The following CUL4A variants were observed in gnomAD, a reference collection of about 807,000 sequenced individuals.
CUL4A encodes the protein cullin-4A.
Under a neutral mutation model 95.5 loss-of-function variants are expected in CUL4A, and 16 were observed. The observed-to-expected ratio is 0.17, with a 90% CI of 0.11 to 0.25. CUL4A has a LOEUF of 0.25. Ranked by LOEUF, CUL4A falls within the 10% of genes least tolerant of loss-of-function variation. CUL4A has a pLI of 1.00. For missense variants in CUL4A, 610 were observed against 937.0 expected (o/e 0.65, Z 4.56); for synonymous variants, 380 against 353.1 (o/e 1.08, Z -0.85).
intron 9 of CUL4A, 24 bp downstream of exon 9, chr13:113,236,914 A>T: frequency 6.6e-7 from 1 of 1,514,882 alleles, no homozygotes; most frequent in South Asian, 1.1e-5. Flanking sequence ...CTCTTGTGCA[A>T]ATTAAACTGA....
Position 113,253,078 on chromosome 13 carries a change from A to G in CUL4A, c.1639-4A>G, listed in dbSNP as rs778312268. The G allele has an allele frequency of 3.2e-6, 5 of 1,547,436 alleles. No homozygotes were observed. The Admixed American group carries it at 8.7e-5, about 27-fold the overall frequency. Reference sequence around the variant, plus strand: ...TAATTTTGTTGTTCTCCTATGCTTAACAGATGATTAAACTTCAGGAAGTAT... The same window carrying G: ...TAATTTTGTTGTTCTCCTATGCTTAGCAGATGATTAAACTTCAGGAAGTAT... On this transcript the variant is annotated splice_polypyrimidine_tract_variant and splice_region_variant and intron_variant, in intron 15 of 19. Coordinates refer to ENST00000375440, the MANE Select transcript of CUL4A (RefSeq NM_001008895.4).
rs372465709 is a variant in CUL4A, at chr13:113,251,709, C to T, written c.1639-1373C>T. 1.6e-4 allele frequency among the ~76,000 whole-genome samples: 24 copies of T among 152,260 alleles called. 1 individual carries two copies. In the East Asian group the frequency reaches 4.6e-3, roughly 29 times the overall value. On this transcript the variant is annotated intron_variant, in intron 15 of 19. Coordinates refer to ENST00000375440, the MANE Select transcript of CUL4A (RefSeq NM_001008895.4). ...GACGTGCCTGCTTTTTTCCCCTTACCTTCTGCCATGATTAAAAGTTTCCTG... is the reference window on the plus strand; with the variant it reads ...GACGTGCCTGCTTTTTTCCCCTTACTTTCTGCCATGATTAAAAGTTTCCTG...
At position 113,266,892 on chromosome 13, in the gene CUL4A, T is replaced by TTA. The variant is rs759253898; in HGVS notation, c.*3311_*3312insAT. On this transcript the variant is annotated 3_prime_UTR_variant, in exon 20 of 20. Transcript: ENST00000375440. ...TGTAAATTGACTATTATTGTATAAA[T>TTA]TTATAGAGTATAAAGTGATCTTATA... The TTA allele has an allele frequency of 2.0e-5, 3 of 152,210 alleles. No individual in the cohort carries two copies. Among genetic ancestry groups the TTA allele is most frequent in the Non-Finnish European group, 4.4e-5 (3 of 68,046 alleles). The allele number at this position is 152,210 out of a possible 1,614,324, so 9.4% of individuals were successfully genotyped here.
chr13:113,221,033 G>T (rs1274468598), intron 3 of CUL4A, among the ~76,000 whole-genome samples: 1 of 152,250 alleles, frequency 6.6e-6, no homozygotes, highest in Non-Finnish European at 1.5e-5. Context: ...ATGGTGGCAT[G>T]TGAAGCATCT....
intron 16 of CUL4A, 105 bp from the exon 17 acceptor site, chr13:113,254,588 C>T: frequency 2.8e-6 from 2 of 719,266 alleles, no homozygotes; most frequent in Non-Finnish European, 4.6e-6. Context: ...GAGCGAGACT[C>T]CTTCTCAAAA....
At chr13:113,208,351 A>C, upstream of CUL4A, 5 of 1,432,446 alleles carry the variant, frequency 3.5e-6, no homozygotes, top group Non-Finnish European at 4.6e-6. Context: ...GTCTACTTAC[A>C]CCGCGACGAC....
In CUL4A at chr13:113,265,224, G is replaced by T; in HGVS notation, c.*1642G>T. On this transcript the variant is annotated 3_prime_UTR_variant, in exon 20 of 20. Transcript: ENST00000375440. ...CCAGTGGGGCCAGGTAGTGACAAGTGGGTCTTTTTTACTTGGACGATTCGT... is the reference window on the plus strand; with the variant it reads ...CCAGTGGGGCCAGGTAGTGACAAGTTGGTCTTTTTTACTTGGACGATTCGT... The T allele has an allele frequency of 6.6e-6, 1 of 152,278 alleles. No homozygotes were observed. 9.4% of individuals were successfully genotyped at this position (152,278 alleles called of 1,614,324 possible).
chr13:113,222,104 G>A (rs2040920645), intron 3 of CUL4A, among the ~76,000 whole-genome samples: 2 of 152,236 alleles, frequency 1.3e-5, no homozygotes, highest in Non-Finnish European at 2.9e-5. Flanking sequence ...AGCCAGGTAT[G>A]CTGCTGGGTG....
intron 18 of CUL4A, among the ~76,000 whole-genome samples, chr13:113,255,510 G>T (rs570337199): frequency 3.9e-5 from 6 of 152,166 alleles, no homozygotes; most frequent in Admixed American, 2.6e-4. Flanking sequence ...ACCATTATAG[G>T]ATCATACAGG....
intron 18 of CUL4A, among the ~76,000 whole-genome samples, chr13:113,258,979 G>A (rs369505369): frequency 1.1e-4 from 16 of 152,340 alleles, no homozygotes; most frequent in African/African-American, 3.6e-4. Context: ...ACAGGCTAAT[G>A]AAATGCTGAT....
intron 15 of CUL4A, among the ~76,000 whole-genome samples, chr13:113,246,340 C>A (rs527249513): frequency 6.6e-6 from 1 of 152,192 alleles, no homozygotes; most frequent in Non-Finnish European, 1.5e-5. Flanking sequence ...TATTAAGCTG[C>A]GGTTCTTGTC....
chr13:113,238,239 C>T (rs190431006), intron 9 of CUL4A, among the ~76,000 whole-genome samples: 39 of 152,132 alleles, frequency 2.6e-4, no homozygotes, highest in East Asian at 1.7e-3. Context: ...CAAGAATTCA[C>T]GACCAGCCTG....
chr13:113,247,684 G>T (rs1383602921), intron 15 of CUL4A, among the ~76,000 whole-genome samples: 1 of 152,158 alleles, frequency 6.6e-6, no homozygotes, highest in Non-Finnish European at 1.5e-5. Flanking sequence ...ACATGTGCGG[G>T]ATGCTCAAAG....
At position 113,230,014 on chromosome 13, in the gene CUL4A, G is replaced by A. The variant is rs562419123; in HGVS notation, c.512+495G>A. ...CTGGGGCCTTTCCTCAGCAGCGTTCGCGGCCACGGACCCCACATGTCCTCT... is the reference window on the plus strand; with the variant it reads ...CTGGGGCCTTTCCTCAGCAGCGTTCACGGCCACGGACCCCACATGTCCTCT... On this transcript the variant is annotated intron_variant, in intron 5 of 19. Transcript: ENST00000375440. 3.6e-5 allele frequency: 9 copies of A among 249,238 alleles called. No homozygotes were observed. In the South Asian group the frequency reaches 5.2e-4, roughly 14 times the overall value. The allele number at this position is 249,238 out of a possible 1,614,324, so 15.4% of individuals were successfully genotyped here. A position where few individuals can be genotyped will look rare whatever the true frequency, so the allele number is the denominator to read the frequency against.
At chr13:113,237,021 T>G in intron 9 of CUL4A, 131 bp downstream of exon 9, 1 of 634,336 alleles carries the variant, frequency 1.6e-6, no homozygotes, top group South Asian at 2.3e-5. Flanking sequence ...TAAAAATCTT[T>G]TCTAATGAAC....
intron 7 of CUL4A, among the ~76,000 whole-genome samples, chr13:113,234,364 G>GA (rs934665663): frequency 2.0e-5 from 3 of 152,068 alleles, no homozygotes; most frequent in Non-Finnish European, 2.9e-5. Flanking sequence ...AAAGCTGTGC[G>GA]AAAAAACATG....
intron 5 of CUL4A, among the ~76,000 whole-genome samples, chr13:113,232,878 G>T (rs2041406113): frequency 6.6e-6 from 1 of 152,108 alleles, no homozygotes; most frequent in Non-Finnish European, 1.5e-5. Context: ...CAGCAGGAAG[G>T]TGGCGAGGAC....
intron 18 of CUL4A, 31 bp from the exon 19 acceptor site, chr13:113,260,576 A>C (rs779854216): frequency 4.4e-6 from 7 of 1,576,326 alleles, no homozygotes; most frequent in Non-Finnish European, 6.0e-6. Context: ...ATACAGTTTT[A>C]CACTTAACTT....
intron 2 of CUL4A, among the ~76,000 whole-genome samples, chr13:113,218,257 T>G (rs1213807335): frequency 6.6e-6 from 1 of 152,098 alleles, no homozygotes; most frequent in Admixed American, 6.6e-5. Flanking sequence ...AGATTTCTTC[T>G]TGTATTAGGG....
Sources: gnomAD v4.1 joint callset for allele counts (sites outside exome capture counted in the v4.1 genomes callset) on GRCh38, gnomAD v4.1.1 for gene constraint, MANE v1.5 for transcripts, NCBI Gene and HGNC (gene_info 2026-07-23, HGNC 2026-07-21) for gene names.